The following DMD variants were observed in gnomAD, a reference collection of about 807,000 sequenced individuals.
DMD encodes mutant dystrophin.
A neutral mutation model predicts 330.1 loss-of-function variants in DMD; 63 were observed. That is an observed-to-expected ratio of 0.19 (90% CI 0.16 to 0.24). DMD has a LOEUF of 0.24. DMD is among the 10% of genes least tolerant of loss of function. DMD has a pLI of 1.00. For synonymous variants in DMD, 1,223 were observed against 959.8 expected (o/e 1.27, Z -5.07); for missense variants, 3,344 against 2,684.1 (o/e 1.25, Z -5.43).
intron 49 of DMD, among the ~76,000 whole-genome samples, chrX:31,833,279 AGAGAGAGAGAGAGG>A (rs1477585510): frequency 2.5e-5 from 1 of 39,659 alleles, no homozygotes; most frequent in African/African-American, 2.1e-4. Flanking sequence ...AGGGGGAGAG[AGAGAGAGAGAGAGG>A]GAGAGAGGGA....
At chrX:33,184,417 T>G (rs2050147440) in intron 1 of DMD, among the ~76,000 whole-genome samples, 1 of 111,529 alleles carries the variant, frequency 9.0e-6, no homozygotes, top group Non-Finnish European at 1.9e-5. Flanking sequence ...ATAAGGCACA[T>G]TTATTTTGAA....
At chrX:32,685,760 G>A (rs753455826) in intron 9 of DMD, among the ~76,000 whole-genome samples, 12 of 111,503 alleles carry the variant, frequency 1.1e-4, no homozygotes, top group Non-Finnish European at 2.1e-4. Context: ...TAGAAATGAG[G>A]AGTTTCATAA....
At position 32,448,452 on chromosome X, in the gene DMD, T is replaced by C. The variant is rs781082557; in HGVS notation, c.3786+4A>G. 1 of 1,207,580 alleles carries C rather than the reference T, an allele frequency of 8.3e-7. No individual in the cohort carries two copies. Among genetic ancestry groups the C allele is most frequent in the Non-Finnish European group, 1.1e-6 (1 of 892,342 alleles). On this transcript the variant is annotated splice_donor_region_variant and intron_variant, in intron 27 of 78. Coordinates refer to ENST00000357033, the MANE Select transcript of DMD (RefSeq NM_004006.3). ...ATTGACAAAGACCAAGAAAAGCAAC[T>C]GACTTCCAAAGTCTTGCATTTCCCA...
intron 60 of DMD, among the ~76,000 whole-genome samples, chrX:31,406,390 A>G (rs748948991): frequency 2.4e-4 from 27 of 111,251 alleles, no homozygotes; most frequent in African/African-American, 8.8e-4. Context: ...ACCTAAAATA[A>G]AAGCTAAAAA....
chrX:31,473,662 G>A (rs2067490875), intron 59 of DMD, among the ~76,000 whole-genome samples: 4 of 95,503 alleles, frequency 4.2e-5, no homozygotes, highest in South Asian at 5.2e-4. Flanking sequence ...TCAGCGAGCC[G>A]AGATCTCACC....
At chrX:33,237,609 G>A (rs2052511875) in intron 1 of DMD, among the ~76,000 whole-genome samples, 1 of 111,503 alleles carries the variant, frequency 9.0e-6, no homozygotes, top group Non-Finnish European at 1.9e-5. Context: ...AATAGCAACT[G>A]AATATAGGAA....
chrX:32,202,086 A>G (rs750090631), intron 44 of DMD, among the ~76,000 whole-genome samples: 9 of 111,450 alleles, frequency 8.1e-5, no homozygotes, highest in Non-Finnish European at 1.5e-4. Context: ...CAGTAGGTCA[A>G]CAAATATTTG....
At position 32,403,033 on chromosome X, in the gene DMD, C is replaced by T. The variant is rs781041468; in HGVS notation, c.4233+8719G>A. ...AATTTGCCAGCTATTTGTTAGAAAT[C>T]TGCTGGGTGGCCCACGGTCTTACAG... On this transcript the variant is annotated intron_variant, in intron 30 of 78. Coordinates refer to ENST00000357033, the MANE Select transcript of DMD (RefSeq NM_004006.3). Among the ~76,000 whole-genome samples, 519 of 111,757 alleles carry T rather than the reference C, an allele frequency of 4.6e-3. 4 individuals carry two copies. The highest frequency in any genetic ancestry group is 0.016 in the African/African-American group (504 of 30,854).
intron 62 of DMD, among the ~76,000 whole-genome samples, chrX:31,284,557 T>TTTCTTCTTCCTCTTC (rs2052895619): frequency 1.3e-5 from 1 of 78,066 alleles, no homozygotes; most frequent in Non-Finnish European, 2.4e-5. Flanking sequence ...TAACGAACTG[T>TTTCTTCTTCCTCTTC]TTCTTCTTCT....
chrX:31,243,116 G>C (rs1036311698), intron 63 of DMD, among the ~76,000 whole-genome samples: 1 of 111,463 alleles, frequency 9.0e-6, no homozygotes, highest in Non-Finnish European at 1.9e-5. Flanking sequence ...CATATTTATG[G>C]GGGAAAAAAA....
At chrX:33,338,537 T>C (rs1285636823) in intron 1 of DMD, among the ~76,000 whole-genome samples, 1 of 111,002 alleles carries the variant, frequency 9.0e-6, no homozygotes, top group African/African-American at 3.3e-5. Flanking sequence ...TCATTTTTCA[T>C]TAACAGCCTT....
chrX:32,739,185 G>C (rs991987231), intron 7 of DMD, among the ~76,000 whole-genome samples: 1 of 111,607 alleles, frequency 9.0e-6, no homozygotes, highest in Non-Finnish European at 1.9e-5. Flanking sequence ...ATTTGCACAA[G>C]TTTACACAGC....
At chrX:32,037,709 A>G (rs1208887432) in intron 44 of DMD, among the ~76,000 whole-genome samples, 2 of 111,513 alleles carry the variant, frequency 1.8e-5, no homozygotes, top group Non-Finnish European at 3.8e-5. Flanking sequence ...GATACTCATT[A>G]TACGTGCCAT....
At chrX:33,178,351 T>C (rs757761402) in intron 1 of DMD, among the ~76,000 whole-genome samples, 1 of 111,667 alleles carries the variant, frequency 9.0e-6, no homozygotes, top group Non-Finnish European at 1.9e-5. Context: ...GGAAGGTTCC[T>C]GGGTCCTTGA....
intron 7 of DMD, among the ~76,000 whole-genome samples, chrX:32,733,495 C>G (rs764874875): frequency 2.7e-5 from 3 of 110,889 alleles, no homozygotes; most frequent in Non-Finnish European, 5.6e-5. Context: ...TATTCCACAA[C>G]TGACCACATA....
At chrX:33,331,788 C>A (rs894140630) in intron 1 of DMD, among the ~76,000 whole-genome samples, 6 of 111,327 alleles carry the variant, frequency 5.4e-5, no homozygotes, top group Non-Finnish European at 1.1e-4. Flanking sequence ...AATATTTTTA[C>A]CCATTTGCTT....
chrX:32,275,398 C>T (rs779139428), intron 43 of DMD, among the ~76,000 whole-genome samples: 1 of 111,642 alleles, frequency 9.0e-6, no homozygotes, highest in South Asian at 3.7e-4. Flanking sequence ...GTATTGATTA[C>T]CAATGTGCAC....
intron 50 of DMD, among the ~76,000 whole-genome samples, chrX:31,816,696 G>A (rs1038535008): frequency 9.3e-5 from 10 of 107,903 alleles, no homozygotes; most frequent in Non-Finnish European, 9.5e-5. Flanking sequence ...TACTTGGGAG[G>A]CTGAGGCAGG....
chrX:33,304,025 GAATT>G (rs902901968), intron 1 of DMD, among the ~76,000 whole-genome samples: 1 of 110,578 alleles, frequency 9.0e-6, no homozygotes, highest in Non-Finnish European at 1.9e-5. Flanking sequence ...TTATAAATAT[GAATT>G]AATTCCTTTC....
Sources: allele counts gnomAD v4.1 joint callset (sites outside exome capture counted in the v4.1 genomes callset), GRCh38; gene constraint gnomAD v4.1.1; transcripts MANE v1.5; gene names NCBI Gene and HGNC (gene_info 2026-07-23, HGNC 2026-07-21).